The following AGFG1 variants were observed in gnomAD, a reference collection of about 807,000 sequenced individuals.
AGFG1 encodes the protein ArfGAP with FG repeats 1.
A neutral mutation model predicts 60.6 loss-of-function variants in AGFG1; 10 were observed. That is an observed-to-expected ratio of 0.16 (90% CI 0.10 to 0.28). AGFG1 has a LOEUF of 0.28. Among genes scored for constraint, AGFG1 ranks in the 10% least tolerant of loss-of-function variants. The pLI is 1.00. For missense variants in AGFG1, 537 were observed against 676.5 expected (o/e 0.79, Z 2.29); for synonymous variants, 247 against 242.9 (o/e 1.02, Z -0.16).
chr2:227,517,435 G>GT (rs1691686849), intron 2 of AGFG1, among the ~76,000 whole-genome samples: 2 of 152,180 alleles, frequency 1.3e-5, no homozygotes, highest in Admixed American at 1.3e-4. Context: ...CCAGCTATTT[G>GT]TTTTTTCTGT....
intron 10 of AGFG1, among the ~76,000 whole-genome samples, chr2:227,548,081 G>A (rs76271904): frequency 0.054 from 8,245 of 152,182 alleles, 294 homozygotes; most frequent in African/African-American, 0.09. Context: ...GAAGAAACTC[G>A]TCACAAAAGG....
At position 227,484,688 on chromosome 2, in the gene AGFG1, G is replaced by GTTTTTTTTTTTTTTTT. The variant is rs745570416; in HGVS notation, c.168-6841_168-6826dup. ...ATGAAGATCTCTTAGTTTTTTTTTT[G>GTTTTTTTTTTTTTTTT]TTTTTTTTTTTTTTTTTTTTTTTTT... is the stretch of plus-strand genomic sequence containing the variant. On this transcript the variant is annotated intron_variant, in intron 1 of 12. Coordinates refer to ENST00000310078, the MANE Select transcript of AGFG1 (RefSeq NM_004504.5). Among the ~76,000 whole-genome samples, 35 of 25,116 alleles carry GTTTTTTTTTTTTTTTT rather than the reference G, an allele frequency of 1.4e-3. 1 individual carries two copies. Among genetic ancestry groups the GTTTTTTTTTTTTTTTT allele is most frequent in the African/African-American group, 3.7e-3 (33 of 8,954 alleles). 16.5% of individuals were successfully genotyped at this position (25,116 alleles called of 152,430 possible).
At chr2:227,548,673 C>T (rs1256092946) in intron 10 of AGFG1, among the ~76,000 whole-genome samples, 1 of 152,228 alleles carries the variant, frequency 6.6e-6, no homozygotes, top group African/African-American at 2.4e-5. Context: ...TGCAGTGGCT[C>T]ACGCCTGTAA....
chr2:227,533,876 T>C (rs1692231472), intron 7 of AGFG1, 118 bp downstream of exon 7: 2 of 912,096 alleles, frequency 2.2e-6, no homozygotes, highest in Non-Finnish European at 3.3e-6. Context: ...AGAAATTTTG[T>C]CTGCACTGTC....
intron 6 of AGFG1, among the ~76,000 whole-genome samples, chr2:227,533,160 G>C (rs1388577926): frequency 6.6e-6 from 1 of 152,150 alleles, no homozygotes; most frequent in Non-Finnish European, 1.5e-5. Context: ...AGCCACAAAA[G>C]TTTGAAATCC....
At position 227,558,074 on chromosome 2, in the gene AGFG1, A is replaced by G. The variant is rs905311087; in HGVS notation, c.*3579A>G. 6.6e-6 allele frequency: 1 copy of G among 151,870 alleles called. No homozygotes were observed. Among genetic ancestry groups the G allele is most frequent in the Non-Finnish European group, 1.5e-5 (1 of 68,032 alleles). 9.4% of individuals were successfully genotyped at this position (151,870 alleles called of 1,614,324 possible). On this transcript the variant is annotated 3_prime_UTR_variant, in exon 13 of 13. Transcript: ENST00000310078. ...AGACTTTTTAACACTACTTCAAGGT[A>G]ATAATAGCAGTGGTATTATGGGCTG... is the stretch of plus-strand genomic sequence containing the variant.
At position 227,472,550 on chromosome 2, in the gene AGFG1, G is replaced by T. The variant is rs752470294; in HGVS notation, c.129G>T (p.Thr43=). The T allele has an allele frequency of 5.1e-6, 8 of 1,581,256 alleles. No individual in the cohort carries two copies. The South Asian group carries it at 5.6e-5, about 11-fold the overall frequency. The change falls in exon 1 of 13, where the codon ACG becomes ACT. Residue 43 remains threonine (T), a synonymous_variant. Coordinates refer to ENST00000310078, the MANE Select transcript of AGFG1 (RefSeq NM_004504.5). ...DQRGPTYVNM[T]VGSFVCTSCS... The stretch of plus-strand genomic sequence containing the variant: ...GCGGCCCCACCTACGTTAACATGAC[G>T]GTCGGCTCCTTCGTGTGTACCTCCT...
intron 5 of AGFG1, among the ~76,000 whole-genome samples, chr2:227,528,152 A>G (rs910347862): frequency 1.6e-4 from 25 of 152,220 alleles, no homozygotes; most frequent in African/African-American, 5.1e-4. Context: ...GCAATAAGGG[A>G]ACCTTTTGTT....
At position 227,484,433 on chromosome 2, in the gene AGFG1, C is replaced by T. The variant is rs368063598; in HGVS notation, c.168-7114C>T. Among the ~76,000 whole-genome samples the T allele has an allele frequency of 2.5e-4, 38 of 152,176 alleles. No individual in the cohort carries two copies. The South Asian group carries it at 3.3e-3, about 13-fold the overall frequency. ...AACTCCTGATCACAAGTGATCCACC[C>T]GCCTGCTGGGATTAAGATTACAGGT... On this transcript the variant is annotated intron_variant, in intron 1 of 12. Transcript: ENST00000310078.
chr2:227,532,559 C>T (rs1464195087), intron 6 of AGFG1, among the ~76,000 whole-genome samples: 1 of 151,998 alleles, frequency 6.6e-6, no homozygotes, highest in Non-Finnish European at 1.5e-5. Context: ...GAAATTTGAT[C>T]AGTGTATATT....
chr2:227,502,217 A>G (rs769329702), intron 2 of AGFG1, among the ~76,000 whole-genome samples: 7 of 151,976 alleles, frequency 4.6e-5, no homozygotes, highest in Admixed American at 2.0e-4. Flanking sequence ...CCTGTTTATT[A>G]CCAAGTATTG....
intron 10 of AGFG1, among the ~76,000 whole-genome samples, chr2:227,548,295 T>TA (rs563168715): frequency 6.6e-6 from 1 of 152,228 alleles, no homozygotes; most frequent in Non-Finnish European, 1.5e-5. Flanking sequence ...TGAATATATT[T>TA]AAAGAATCAT....
chr2:227,478,256 A>G (rs1396415067), intron 1 of AGFG1, among the ~76,000 whole-genome samples: 1 of 129,852 alleles, frequency 7.7e-6, no homozygotes, highest in East Asian at 2.3e-4. Flanking sequence ...AAAAAAATAC[A>G]TACATGCACA....
At chr2:227,537,057 G>A (rs1355226828) in intron 10 of AGFG1, 64 bp downstream of exon 10, 1 of 1,392,950 alleles carries the variant, frequency 7.2e-7, no homozygotes, top group South Asian at 1.2e-5. Flanking sequence ...AAGACACCAT[G>A]TGAAGAACAC....
At chr2:227,515,954 C>T (rs1310243752) in intron 2 of AGFG1, among the ~76,000 whole-genome samples, 2 of 152,088 alleles carry the variant, frequency 1.3e-5, no homozygotes, top group African/African-American at 2.4e-5. Flanking sequence ...TGATGTTTTC[C>T]CAGGTGTGTC....
chr2:227,522,837 C>G (rs1691863327), intron 3 of AGFG1, among the ~76,000 whole-genome samples: 1 of 152,210 alleles, frequency 6.6e-6, no homozygotes, highest in African/African-American at 2.4e-5. Flanking sequence ...ATTATTATAT[C>G]CTTGCTACCT....
At chr2:227,472,918 C>T (rs917454784) in intron 1 of AGFG1, among the ~76,000 whole-genome samples, 12 of 149,982 alleles carry the variant, frequency 8.0e-5, no homozygotes, top group Admixed American at 1.3e-4. Context: ...AGCCTGCGGC[C>T]GCCGCCCTCG....
intron 2 of AGFG1, among the ~76,000 whole-genome samples, chr2:227,496,121 A>AAAAG (rs10660657): frequency 0.7 from 99,592 of 142,802 alleles, 34,844 homozygotes; most frequent in South Asian, 0.76. Flanking sequence ...AAAAAAAAAA[A>AAAAG]AAAGAAAAAA....
At chr2:227,550,594 T>C (rs992397315) in intron 10 of AGFG1, among the ~76,000 whole-genome samples, 11 of 152,206 alleles carry the variant, frequency 7.2e-5, no homozygotes, top group Admixed American at 2.6e-4. Context: ...TTAATTCACC[T>C]GCTTCCCAAT....
Sources: gnomAD v4.1 joint callset for allele counts (sites outside exome capture counted in the v4.1 genomes callset) on GRCh38, gnomAD v4.1.1 for gene constraint, MANE v1.5 for transcripts, NCBI Gene and HGNC (gene_info 2026-07-23, HGNC 2026-07-21) for gene names.